The following NYAP2 variants were observed in gnomAD, a reference collection of about 807,000 sequenced individuals.
The protein encoded by NYAP2 is neuronal tyrosine-phosphorylated phosphoinositide-3-kinase adapter 2.
A neutral mutation model predicts 50.4 loss-of-function variants in NYAP2; 23 were observed. That is an observed-to-expected ratio of 0.46 (90% confidence interval 0.33 to 0.65). The LOEUF is 0.65. Ranked by LOEUF, NYAP2 falls within the 30% of genes least tolerant of loss-of-function variation. NYAP2 has a pLI of 0.02. For missense variants in NYAP2, 885 were observed against 861.0 expected, an observed-to-expected ratio of 1.03 and a Z score of -0.35; for synonymous variants, 394 against 365.2, an observed-to-expected ratio of 1.08 and a Z score of -0.90.
At position 225,426,133 on chromosome 2, in the gene NYAP2, T is replaced by C. The variant is rs1255264681; in HGVS notation, c.221+17032T>C. 1.3e-4 allele frequency among the ~76,000 whole-genome samples: 9 copies of C among 71,662 alleles called. No homozygotes were observed. The East Asian group carries it at 2.4e-3, about 19-fold the overall frequency. The allele number at this position is 71,662 out of a possible 152,430, so 47.0% of individuals were successfully genotyped here. ...TACATGTTATACTTTGCTTTCTTTC[T>C]CTTTTCTTTTTTTTTTTTAAAAATT... On this transcript the variant is annotated intron_variant, in intron 3 of 6. Coordinates refer to ENST00000636099, the Ensembl canonical transcript of NYAP2.
intron 5 of NYAP2, among the ~76,000 whole-genome samples, chr2:225,615,568 T>G (rs552570733): frequency 1.3e-5 from 2 of 152,322 alleles, no homozygotes; most frequent in East Asian, 3.9e-4. Flanking sequence ...TATGGAGAAC[T>G]GTTGTGTATA....
At chr2:225,509,207 T>C (rs556366576) in intron 3 of NYAP2, among the ~76,000 whole-genome samples, 1 of 152,284 alleles carries the variant, frequency 6.6e-6, no homozygotes, top group Admixed American at 6.5e-5. Flanking sequence ...TTGGAGTCCT[T>C]AGTAACCATA....
At chr2:225,641,481 A>AT (rs1693532756) in intron 6 of NYAP2, among the ~76,000 whole-genome samples, 1 of 113,154 alleles carries the variant, frequency 8.8e-6, no homozygotes, top group African/African-American at 4.0e-5. Flanking sequence ...ACACACACAC[A>AT]ATTTTTTTTT....
At chr2:225,571,271 C>T (rs1362294513) in intron 4 of NYAP2, among the ~76,000 whole-genome samples, 3 of 152,298 alleles carry the variant, frequency 2.0e-5, no homozygotes, top group South Asian at 2.1e-4. Flanking sequence ...GTCTGGAGGA[C>T]GGTGGCCCTC....
At chr2:225,624,128 T>A (rs1032670101) in intron 5 of NYAP2, among the ~76,000 whole-genome samples, 8 of 152,256 alleles carry the variant, frequency 5.3e-5, no homozygotes, top group Non-Finnish European at 7.3e-5. Context: ...TATTTATTTT[T>A]TCTTTCTATA....
chr2:225,550,897 G>T (rs1174041339), intron 4 of NYAP2, among the ~76,000 whole-genome samples: 6 of 152,146 alleles, frequency 3.9e-5, no homozygotes. Context: ...GAAAATAAGA[G>T]GAAATTTTTA....
chr2:225,657,591 TAAAAA>T (rs78616843), downstream of NYAP2, among the ~76,000 whole-genome samples: 1 of 77,178 alleles, frequency 1.3e-5, no homozygotes, highest in Non-Finnish European at 2.8e-5. Flanking sequence ...AAAACTGCTC[TAAAAA>T]AAAAAAAAAA....
intron 4 of NYAP2, among the ~76,000 whole-genome samples, chr2:225,539,339 A>T (rs1343805860): frequency 6.6e-6 from 1 of 152,228 alleles, no homozygotes; most frequent in Non-Finnish European, 1.5e-5. Context: ...AGAATGATTT[A>T]TAATCCTTTG....
chr2:225,627,706 C>T (rs1693233420), intron 6 of NYAP2, among the ~76,000 whole-genome samples: 1 of 152,092 alleles, frequency 6.6e-6, no homozygotes, highest in Non-Finnish European at 1.5e-5. Flanking sequence ...CTTTAAATGT[C>T]ACAAGTTAAA....
At chr2:225,547,325 G>C (rs73089022) in intron 4 of NYAP2, among the ~76,000 whole-genome samples, 4,186 of 152,258 alleles carry the variant, frequency 0.027, 183 homozygotes, top group African/African-American at 0.094. Context: ...GCTTGTGTCT[G>C]TCTCACTAGA....
chr2:225,486,723 T>A (rs1437473074), intron 3 of NYAP2, among the ~76,000 whole-genome samples: 1 of 152,162 alleles, frequency 6.6e-6, no homozygotes, highest in Non-Finnish European at 1.5e-5. Context: ...ACTTTGTAGG[T>A]GAGTTGGCTG....
At chr2:225,614,020 T>G (rs1692943591) in intron 5 of NYAP2, among the ~76,000 whole-genome samples, 1 of 152,118 alleles carries the variant, frequency 6.6e-6, no homozygotes, top group South Asian at 2.1e-4. Flanking sequence ...AGTATACAAG[T>G]TTAGACATAG....
At chr2:225,536,084 G>A (rs1360727751) in intron 4 of NYAP2, among the ~76,000 whole-genome samples, 1 of 152,134 alleles carries the variant, frequency 6.6e-6, no homozygotes, top group Non-Finnish European at 1.5e-5. Context: ...AGCAGCCATA[G>A]CTATTTCATC....
chr2:225,505,279 A>C (rs1013315213), intron 3 of NYAP2, among the ~76,000 whole-genome samples: 1 of 152,224 alleles, frequency 6.6e-6, no homozygotes, highest in Non-Finnish European at 1.5e-5. Context: ...TATTAGGTGC[A>C]TAAAGTAGAA....
exon 4 of NYAP2, chr2:225,513,471 C>T: frequency 6.2e-7 from 1 of 1,613,964 alleles, no homozygotes; most frequent in Non-Finnish European, 8.5e-7. Context: ...CAGACTTCCC[C>T]ATCCTTGCTC....
intron 4 of NYAP2, among the ~76,000 whole-genome samples, chr2:225,520,310 C>T (rs1041853181): frequency 2.0e-5 from 3 of 152,040 alleles, no homozygotes; most frequent in Non-Finnish European, 4.4e-5. Context: ...GCTTTTGTTG[C>T]CACTGCTTTT....
intron 3 of NYAP2, among the ~76,000 whole-genome samples, chr2:225,450,406 T>C (rs1393058532): frequency 6.6e-6 from 1 of 152,152 alleles, no homozygotes; most frequent in Non-Finnish European, 1.5e-5. Context: ...ATTCAAGGTG[T>C]CCTAGTGGAA....
At chr2:225,658,321 C>A (rs115430542), downstream of NYAP2, among the ~76,000 whole-genome samples, 2 of 152,236 alleles carry the variant, frequency 1.3e-5, no homozygotes, top group East Asian at 1.9e-4. Flanking sequence ...GGAACACCCC[C>A]CTAAGTTCAC....
intron 6 of NYAP2, among the ~76,000 whole-genome samples, chr2:225,638,275 A>G (rs1693461426): frequency 6.6e-6 from 1 of 151,268 alleles, no homozygotes; most frequent in Non-Finnish European, 1.5e-5. Flanking sequence ...AGGGGTGAGA[A>G]GTGTCTCCAG....
Sources: allele counts gnomAD v4.1 joint callset (sites outside exome capture counted in the v4.1 genomes callset), GRCh38; gene constraint gnomAD v4.1.1; transcripts MANE v1.5; gene names NCBI Gene and HGNC (gene_info 2026-07-23, HGNC 2026-07-21).